The following FTCDNL1 variants were observed in gnomAD, a reference collection of about 807,000 sequenced individuals.
FTCDNL1 encodes formiminotransferase N-terminal subdomain-containing protein.
Under a neutral mutation model 5.9 loss-of-function variants are expected in FTCDNL1, and 11 were observed. The observed-to-expected ratio is 1.87, with a 90% CI of 1.18 to 3.10. The LOEUF (loss-of-function observed/expected upper bound fraction) is 3.10, where lower values mean the gene tolerates loss of function less well. Among genes scored for constraint, FTCDNL1 ranks in the 30% most tolerant of loss-of-function variants. The probability of loss-of-function intolerance (pLI) is 0.00; values close to 1 mark genes in which losing one functional copy is unlikely to be tolerated. For synonymous variants in FTCDNL1, 58 were observed against 24.8 expected, an observed-to-expected ratio of 2.34 and a Z score of -3.99; for missense variants, 115 against 65.5, an observed-to-expected ratio of 1.76 and a Z score of -2.61.
At chr2:199,702,247 A>G in the FTCDNL1 span, among the ~76,000 whole-genome samples, 1 of 152,164 alleles carries the variant, frequency 6.6e-6, no homozygotes. Context: ...CAATTTACCC[A>G]TGTAACAAAC....
chr2:199,664,591 G>A, the FTCDNL1 span, among the ~76,000 whole-genome samples: 6 of 151,992 alleles, frequency 3.9e-5, no homozygotes, highest in African/African-American at 7.3e-5. Flanking sequence ...TTATTCACAC[G>A]GTTCCTATAA....
intron 3 of FTCDNL1, among the ~76,000 whole-genome samples, chr2:199,787,000 G>GC (rs1306359202): frequency 1.3e-5 from 2 of 152,030 alleles, no homozygotes; most frequent in African/African-American, 4.8e-5. Context: ...CTGGCTTTTG[G>GC]CCTCTGCTAG....
At chr2:199,678,660 C>A in the FTCDNL1 span, among the ~76,000 whole-genome samples, 7 of 151,186 alleles carry the variant, frequency 4.6e-5, no homozygotes, top group Middle Eastern at 3.4e-3. Context: ...TAAAAAAAAA[C>A]AACCTTAGAA....
chr2:199,694,049 G>A, the FTCDNL1 span, among the ~76,000 whole-genome samples: 1 of 152,166 alleles, frequency 6.6e-6, no homozygotes, highest in Non-Finnish European at 1.5e-5. Flanking sequence ...TTAATTCCAA[G>A]GTCTGTGGCC....
At chr2:199,844,690 C>T (rs921065453) in intron 3 of FTCDNL1, among the ~76,000 whole-genome samples, 4 of 152,114 alleles carry the variant, frequency 2.6e-5, no homozygotes, top group African/African-American at 9.7e-5. Flanking sequence ...AACCTTTCCC[C>T]TCACCCCACC....
chr2:199,701,395 T>A, the FTCDNL1 span, among the ~76,000 whole-genome samples: 80,554 of 146,160 alleles, frequency 0.55, 23,693 homozygotes, highest in East Asian at 0.71. Flanking sequence ...GGAATGCTTA[T>A]AAACTGCTGG....
chr2:199,798,876 C>T (rs961254843), intron 3 of FTCDNL1, among the ~76,000 whole-genome samples: 1 of 152,186 alleles, frequency 6.6e-6, no homozygotes, highest in South Asian at 2.1e-4. Context: ...ATGCTGAAAG[C>T]CCCACATTGT....
At chr2:199,709,545 T>A in the FTCDNL1 span, among the ~76,000 whole-genome samples, 1 of 152,108 alleles carries the variant, frequency 6.6e-6, no homozygotes, top group African/African-American at 2.4e-5. Context: ...GAATTGCGTA[T>A]GGAGTAGGAG....
At chr2:199,800,600 C>T (rs1464924752) in intron 3 of FTCDNL1, among the ~76,000 whole-genome samples, 1 of 152,190 alleles carries the variant, frequency 6.6e-6, no homozygotes, top group Admixed American at 6.5e-5. Context: ...TAGTGCTATA[C>T]ATGTTTTCCA....
intron 3 of FTCDNL1, among the ~76,000 whole-genome samples, chr2:199,839,986 T>C (rs146953629): frequency 6.6e-6 from 1 of 152,214 alleles, no homozygotes; most frequent in Non-Finnish European, 1.5e-5. Flanking sequence ...AGAGAAGACA[T>C]GGGATTCAGG....
chr2:199,779,458 G>A (rs150590335), intron 3 of FTCDNL1, among the ~76,000 whole-genome samples: 96 of 152,286 alleles, frequency 6.3e-4, no homozygotes, highest in Middle Eastern at 6.8e-3. Context: ...CAAAATGGAA[G>A]ACTGAAAATA....
At chr2:199,683,691 A>T in the FTCDNL1 span, among the ~76,000 whole-genome samples, 1 of 151,994 alleles carries the variant, frequency 6.6e-6, no homozygotes, top group Non-Finnish European at 1.5e-5. Flanking sequence ...TTTGATCCTA[A>T]ATGTATTTTG....
At chr2:199,829,473 AT>A (rs1429123021) in intron 3 of FTCDNL1, among the ~76,000 whole-genome samples, 3 of 152,122 alleles carry the variant, frequency 2.0e-5, no homozygotes, top group Non-Finnish European at 4.4e-5. Flanking sequence ...AATCGATGCA[AT>A]TAGATGTTTC....
intron 3 of FTCDNL1, among the ~76,000 whole-genome samples, chr2:199,777,654 C>A (rs10931875): frequency 0.54 from 82,484 of 151,580 alleles, 23,188 homozygotes; most frequent in East Asian, 0.64. Context: ...TGACACATAA[C>A]ATTAACCAGC....
At chr2:199,676,869 T>G in the FTCDNL1 span, among the ~76,000 whole-genome samples, 1 of 152,308 alleles carries the variant, frequency 6.6e-6, no homozygotes, top group East Asian at 1.9e-4. Context: ...TCCCACATTT[T>G]GGGTCCGACA....
intron 4 of FTCDNL1, among the ~76,000 whole-genome samples, chr2:199,817,998 T>A (rs1181571629): frequency 1.3e-5 from 2 of 152,214 alleles, no homozygotes; most frequent in Non-Finnish European, 2.9e-5. Flanking sequence ...GATTTTTATA[T>A]CAGGTTAAAG....
intron 3 of FTCDNL1, among the ~76,000 whole-genome samples, chr2:199,825,788 C>A: frequency 6.6e-6 from 1 of 152,176 alleles, no homozygotes; most frequent in East Asian, 1.9e-4. Flanking sequence ...AAATAAACCT[C>A]TTTTCTTTAT....
intron 4 of FTCDNL1, among the ~76,000 whole-genome samples, chr2:199,817,315 AT>A (rs1559215676): frequency 6.6e-6 from 1 of 152,206 alleles, no homozygotes; most frequent in Non-Finnish European, 1.5e-5. Context: ...TTATACTATC[AT>A]TAACAGTGTA....
At chr2:199,680,941 T>C in the FTCDNL1 span, among the ~76,000 whole-genome samples, 7 of 152,108 alleles carry the variant, frequency 4.6e-5, no homozygotes, top group Non-Finnish European at 1.0e-4. Flanking sequence ...TTGAGGAGAG[T>C]TCTGCTTTTG....
Sources: gnomAD v4.1 joint callset for allele counts (sites outside exome capture counted in the v4.1 genomes callset) on GRCh38, gnomAD v4.1.1 for gene constraint, MANE v1.5 for transcripts, NCBI Gene and HGNC (gene_info 2026-07-23, HGNC 2026-07-21) for gene names.